Variants in GPR107 observed in about 807,000 individuals in gnomAD.
GPR107 encodes the protein G protein-coupled receptor 107, also known as protein GPR107.
Under a neutral mutation model 75.5 loss-of-function variants are expected in GPR107, and 31 were observed. The observed-to-expected ratio is 0.41, with a 90% CI of 0.31 to 0.55. The LOEUF is 0.55. Ranked by LOEUF, GPR107 falls within the 20% of genes least tolerant of loss-of-function variation. The pLI is 0.26. For synonymous variants in GPR107, 267 were observed against 251.3 expected (o/e 1.06, Z -0.59); for missense variants, 572 against 665.7 (o/e 0.86, Z 1.55).
chr9:130,064,009 T>C (rs1338468573), intron 1 of GPR107, among the ~76,000 whole-genome samples: 3 of 151,546 alleles, frequency 2.0e-5, no homozygotes, highest in Non-Finnish European at 4.4e-5. Flanking sequence ...TACACCATGC[T>C]GGCCAGACGG....
At chr9:130,116,489 G>T (rs963468888) in intron 14 of GPR107, among the ~76,000 whole-genome samples, 22 of 152,322 alleles carry the variant, frequency 1.4e-4, no homozygotes, top group African/African-American at 5.3e-4. Flanking sequence ...CTGTGACTGT[G>T]TGCAGTGGAC....
chr9:130,069,854 T>G (rs988616524), intron 1 of GPR107, among the ~76,000 whole-genome samples: 9 of 150,942 alleles, frequency 6.0e-5, no homozygotes, highest in Non-Finnish European at 1.0e-4. Flanking sequence ...CCCGGCAAAT[T>G]TTTGTATTTT....
In GPR107 at chr9:130,058,455, G is replaced by T. The variant is rs138141709; in HGVS notation, c.141+4382G>T. Reference sequence around the variant, plus strand: ...TTTAATGTAAGTGGAATCACAGGATGAGTAGGCTTTTTTTCTTTTTTTTTT... The same window carrying T: ...TTTAATGTAAGTGGAATCACAGGATTAGTAGGCTTTTTTTCTTTTTTTTTT... On this transcript the variant is annotated intron_variant, in intron 1 of 17. Transcript: ENST00000347136. Among the ~76,000 whole-genome samples the T allele has an allele frequency of 3.0e-3, 463 of 151,864 alleles. 4 individuals are homozygous for T. Among genetic ancestry groups the T allele is most frequent in the African/African-American group, 0.01 (429 of 41,478 alleles).
At chr9:130,070,595 C>T (rs1385592821) in intron 1 of GPR107, among the ~76,000 whole-genome samples, 9 of 152,122 alleles carry the variant, frequency 5.9e-5, no homozygotes, top group African/African-American at 1.2e-4. Flanking sequence ...TGAGCCACCG[C>T]GCCTAGCCAA....
chr9:130,079,296 C>T (rs925117558), intron 4 of GPR107, among the ~76,000 whole-genome samples: 1 of 152,192 alleles, frequency 6.6e-6, no homozygotes, highest in African/African-American at 2.4e-5. Flanking sequence ...TGATGTTTTA[C>T]ATTTTGTCCG....
chr9:130,066,438 C>T (rs746995474), intron 1 of GPR107, among the ~76,000 whole-genome samples: 7 of 152,112 alleles, frequency 4.6e-5, no homozygotes, highest in African/African-American at 7.2e-5. Context: ...TGCCTCATCT[C>T]GGGCCCATTG....
chr9:130,058,567 C>T (rs536461976), intron 1 of GPR107, among the ~76,000 whole-genome samples: 18 of 151,962 alleles, frequency 1.2e-4, no homozygotes, highest in African/African-American at 3.9e-4. Flanking sequence ...CAGGTTCAGG[C>T]GATTCTCCTG....
chr9:130,087,652 AAGT>A (rs909725131), intron 7 of GPR107, among the ~76,000 whole-genome samples: 2 of 151,704 alleles, frequency 1.3e-5, no homozygotes, highest in African/African-American at 2.4e-5. Flanking sequence ...AAATTACAAA[AAGT>A]AGCCAGGTGT....
chr9:130,076,725 C>A (rs1830357808), intron 3 of GPR107, among the ~76,000 whole-genome samples: 1 of 151,770 alleles, frequency 6.6e-6, no homozygotes, highest in Non-Finnish European at 1.5e-5. Context: ...TTTTGTTGGC[C>A]ATGTCTCAAA....
chr9:130,108,049 A>G (rs1410238343), intron 14 of GPR107, among the ~76,000 whole-genome samples: 4 of 152,246 alleles, frequency 2.6e-5, no homozygotes, highest in Non-Finnish European at 4.4e-5. Flanking sequence ...GCCCTTTTGC[A>G]TCTCCTTGAC....
intron 5 of GPR107, among the ~76,000 whole-genome samples, chr9:130,080,907 A>G (rs1830480777): frequency 6.6e-6 from 1 of 151,612 alleles, no homozygotes; most frequent in African/African-American, 2.4e-5. Context: ...GATTCATGTG[A>G]GTTCTTTAAA....
At chr9:130,105,053 G>C (rs1405991454) in intron 13 of GPR107, among the ~76,000 whole-genome samples, 1 of 152,228 alleles carries the variant, frequency 6.6e-6, no homozygotes, top group Non-Finnish European at 1.5e-5. Context: ...TCTGTGTAAA[G>C]AAGTGTTAGT....
chr9:130,135,346 G>A lies in GPR107; in HGVS notation c.*225G>A. ...GCTGGATCCTCTTTCAGGCGGGAAT[G>A]GGAGGGCGGGCACAGGGAGGAGGAG... On this transcript the variant is annotated 3_prime_UTR_variant, in exon 18 of 18. Coordinates refer to ENST00000347136, the MANE Select transcript of GPR107 (RefSeq NM_020960.5). The A allele has an allele frequency of 2.1e-6, 1 of 468,218 alleles. No homozygotes were observed. The highest frequency in any genetic ancestry group is 3.8e-6 in the Non-Finnish European group (1 of 266,168). 29.0% of individuals were successfully genotyped at this position (468,218 alleles called of 1,614,324 possible).
At chr9:130,063,187 T>C (rs1829973205) in intron 1 of GPR107, among the ~76,000 whole-genome samples, 1 of 151,956 alleles carries the variant, frequency 6.6e-6, no homozygotes, top group Non-Finnish European at 1.5e-5. Context: ...TACATAAAAA[T>C]ATAACATGCT....
In GPR107 at chr9:130,136,335, A is replaced by G. The variant is rs1271448216; in HGVS notation, c.*1214A>G. ...AATTGAGCAGTATTGCAACTCAGAG[A>G]GAAAATCATCTGAATAGTAGGACAA... On this transcript the variant is annotated 3_prime_UTR_variant, in exon 18 of 18. Coordinates refer to ENST00000347136, the MANE Select transcript of GPR107 (RefSeq NM_020960.5). 1 of 152,220 alleles carries G rather than the reference A, an allele frequency of 6.6e-6. No homozygotes were observed. Among genetic ancestry groups the G allele is most frequent in the Non-Finnish European group, 1.5e-5 (1 of 68,032 alleles). The allele number at this position is 152,220 out of a possible 1,614,324, so 9.4% of individuals were successfully genotyped here. A position where few individuals can be genotyped will look rare whatever the true frequency, so the allele number is the denominator to read the frequency against.
chr9:130,124,926 T>G lies in GPR107; in HGVS notation c.1318T>G (p.Leu440Val). Reference protein sequence around the residue: ...SATDGKAAINLAKLKLFRHYY... With the variant: ...SATDGKAAINVAKLKLFRHYY... Reference sequence around the variant, plus strand: ...TTTCTTCTCTCTAGCTGCTATTAACTTAGCAAAGCTGAAACTTTTCAGACA... The same window carrying G: ...TTTCTTCTCTCTAGCTGCTATTAACGTAGCAAAGCTGAAACTTTTCAGACA... The change falls in exon 15 of 18, where the codon TTA becomes GTA. Residue 440 changes from leucine (L) to valine (V), a missense_variant. By Grantham distance (32) the Leu-to-Val change is conservative (BLOSUM62 1). Coordinates refer to ENST00000347136, the MANE Select transcript of GPR107 (RefSeq NM_020960.5). The G allele has an allele frequency of 6.5e-7, 1 of 1,548,948 alleles. No homozygotes were observed. The highest frequency in any genetic ancestry group is 8.8e-7 in the Non-Finnish European group (1 of 1,137,156).
intron 1 of GPR107, among the ~76,000 whole-genome samples, chr9:130,062,660 G>GCCTT (rs1199165645): frequency 4.6e-4 from 32 of 69,112 alleles, no homozygotes; most frequent in East Asian, 2.1e-3. Context: ...CTGCCTGCCT[G>GCCTT]CCTTCCTTCC....
At chr9:130,130,305 A>AT (rs1281360358) in intron 17 of GPR107, among the ~76,000 whole-genome samples, 2 of 152,218 alleles carry the variant, frequency 1.3e-5, no homozygotes, top group Non-Finnish European at 2.9e-5. Flanking sequence ...GGCTGTGGGT[A>AT]TCCTCAATGA....
intron 17 of GPR107, among the ~76,000 whole-genome samples, chr9:130,132,293 C>T (rs1310876423): frequency 1.3e-5 from 2 of 152,156 alleles, no homozygotes; most frequent in African/African-American, 4.8e-5. Context: ...TGATTCTCAC[C>T]CCTTGGGCTC....
Sources: allele counts gnomAD v4.1 joint callset (sites outside exome capture counted in the v4.1 genomes callset), GRCh38; gene constraint gnomAD v4.1.1; transcripts MANE v1.5; gene names NCBI Gene and HGNC (gene_info 2026-07-23, HGNC 2026-07-21).